Variants in IRS1 observed in about 807,000 individuals in gnomAD.
IRS1 encodes the protein insulin receptor substrate 1.
IRS1 carries 34 observed loss-of-function variants against 65.6 expected under a neutral mutation model. The ratio of observed to expected loss-of-function variants is 0.52; its 90% confidence interval spans 0.39 to 0.69. The LOEUF (loss-of-function observed/expected upper bound fraction) is 0.69, where lower values mean the gene tolerates loss of function less well. Ranked by LOEUF, IRS1 falls within the 30% of genes least tolerant of loss-of-function variation. IRS1 has a pLI of 0.00. For missense variants in IRS1, 1,641 were observed against 1,720.2 expected (o/e 0.95, Z 0.81); for synonymous variants, 699 against 683.5 (o/e 1.02, Z -0.35).
In IRS1 at chr2:226,796,005, GGCCAGACAAGTA is replaced by G. The variant is rs1939713038; in HGVS notation, c.2722_2733del (p.Tyr908_Gly911del). ...GAAGGTGAGCTGTGGAAAGCCACCGGGCCAGACAAGTAGCCAGACTGATCACTCCCAAATTCA... is the reference window on the plus strand; with the variant it reads ...GAAGGTGAGCTGTGGAAAGCCACCGGGCCAGACTGATCACTCCCAAATTCA... On this transcript the variant is annotated inframe_deletion, in exon 1 of 2. Coordinates refer to ENST00000305123, the MANE Select transcript of IRS1 (RefSeq NM_005544.3). The G allele has an allele frequency of 6.2e-7, 1 of 1,614,018 alleles. No individual in the cohort carries two copies. The highest frequency in any genetic ancestry group is 1.7e-5 in the Admixed American group (1 of 60,008).
At position 226,796,010 on chromosome 2, in the gene IRS1, G is replaced by A; in HGVS notation, c.2729C>T (p.Ser910Phe). 6.2e-7 allele frequency: 1 copy of A among 1,614,176 alleles called. No homozygotes were observed. The highest frequency in any genetic ancestry group is 2.2e-5 in the East Asian group (1 of 44,888). Reference protein sequence around the residue: ...EFGSDQSGYLSGPVAFHSSPS... With the variant: ...EFGSDQSGYLFGPVAFHSSPS... The stretch of plus-strand genomic sequence containing the variant: ...TGAGCTGTGGAAAGCCACCGGGCCA[G>A]ACAAGTAGCCAGACTGATCACTCCC... The change falls in exon 1 of 2, where the codon TCT (serine) becomes TTT (phenylalanine). Residue 910 changes from serine to phenylalanine, a missense_variant. Physicochemically the swap from Ser to Phe is radical, Grantham distance 155 (BLOSUM62 -2). Around this residue, in one of 3 missense-constraint regions of IRS1, gnomAD observed 1,324 missense variants for 1,361.0 expected, o/e 0.97. Coordinates refer to ENST00000305123, the MANE Select transcript of IRS1 (RefSeq NM_005544.3).
At chr2:226,777,504 G>A (rs114789229) in intron 1 of IRS1, among the ~76,000 whole-genome samples, 13 of 152,232 alleles carry the variant, frequency 8.5e-5, no homozygotes, top group Non-Finnish European at 1.5e-4. Flanking sequence ...TTAGATGATG[G>A]AAAATTTCTT....
chr2:226,785,744 CT>C (rs1407497222), intron 1 of IRS1, among the ~76,000 whole-genome samples: 2 of 151,118 alleles, frequency 1.3e-5, no homozygotes, highest in Non-Finnish European at 2.9e-5. Flanking sequence ...AGAAACTTTT[CT>C]TTTTTTTATA....
rs147089139 is a variant in IRS1 at position 226,797,016 on chromosome 2, C to T, written c.1723G>A (p.Ala575Thr). 312 of 1,603,686 alleles carry T rather than the reference C, an allele frequency of 1.9e-4. 2 individuals carry two copies. The South Asian group carries it at 2.7e-3, about 14-fold the overall frequency. Residue 575 changes from alanine to threonine, a missense_variant, in exon 1 of 2, where the codon GCC becomes ACC. Transcript: ENST00000305123. The surrounding 1 kb of genome is among the most constrained non-coding windows in gnomAD (Gnocchi z 8.1). The part of the protein sequence containing the change: ...GGRLPGHRHS[A>T]FVPTRSYPEE... ...GGGTAGGAGCGGGTGGGCACGAAGG[C>T]GGAGTGCCTGTGTCCCGGCAGTCGG...
intron 1 of IRS1, among the ~76,000 whole-genome samples, chr2:226,753,841 C>CTGATTGAT (rs113302205): frequency 6.6e-6 from 1 of 151,692 alleles, no homozygotes; most frequent in Non-Finnish European, 1.5e-5. Flanking sequence ...AAACTCAGCA[C>CTGATTGAT]TGATTGATTG....
chr2:226,743,127 T>G (rs1938471921), intron 1 of IRS1, among the ~76,000 whole-genome samples: 1 of 151,046 alleles, frequency 6.6e-6, no homozygotes, highest in Non-Finnish European at 1.5e-5. Context: ...GTTTGTCCTA[T>G]GTACATGACA....
intron 1 of IRS1, among the ~76,000 whole-genome samples, chr2:226,757,336 G>A (rs1938824595): frequency 6.6e-6 from 1 of 152,126 alleles, no homozygotes; most frequent in Non-Finnish European, 1.5e-5. Flanking sequence ...TTGTGAGGCT[G>A]AGGCACAGTG....
Position 226,799,321 on chromosome 2 carries a change from A to G in IRS1, c.-583T>C. 4 of 1,216,844 alleles carry G rather than the reference A, an allele frequency of 3.3e-6. No homozygotes were observed. The highest frequency in any genetic ancestry group is 4.2e-6 in the Non-Finnish European group (4 of 948,236). The allele number at this position is 1,216,844 out of a possible 1,614,324, so 75.4% of individuals were successfully genotyped here. On this transcript the variant is annotated 5_prime_UTR_variant, in exon 1 of 2. Coordinates refer to ENST00000305123, the MANE Select transcript of IRS1 (RefSeq NM_005544.3). The surrounding 1 kb of genome is among the most constrained non-coding windows in gnomAD (Gnocchi z 6.1). Reference sequence around the variant, plus strand: ...GTCCCAGCCGCCACCAGCCGCCCAAATACCAGCTCAGTCGCAGAGACCGCG... The same window carrying G: ...GTCCCAGCCGCCACCAGCCGCCCAAGTACCAGCTCAGTCGCAGAGACCGCG...
chr2:226,797,837 C>A lies in IRS1; in HGVS notation c.902G>T (p.Arg301Leu). 6.2e-7 allele frequency: 1 copy of A among 1,600,046 alleles called. No individual in the cohort carries two copies. Among genetic ancestry groups the A allele is most frequent in the Non-Finnish European group, 8.5e-7 (1 of 1,175,476 alleles). ...GGTGATGCTCTCAGTGCGTGATCGGCGGGTCAGCCCCACCTGGCTGGGCGG... is the reference window on the plus strand; with the variant it reads ...GGTGATGCTCTCAGTGCGTGATCGGAGGGTCAGCCCCACCTGGCTGGGCGG... ...NPPPSQVGLT[R>L]RSRTESITAT... Residue 301 changes from arginine to leucine, a missense_variant, in exon 1 of 2, where the codon CGC (arginine) becomes CTC (leucine). Arg to Leu is a moderately radical substitution (Grantham distance 102, BLOSUM62 -2). Transcript: ENST00000305123. This position sits in a 1 kb window ranked among gnomAD's most constrained non-coding sequence, Gnocchi z 8.1.
At chr2:226,793,928 A>T (rs1395116494) in intron 1 of IRS1, among the ~76,000 whole-genome samples, 2 of 152,212 alleles carry the variant, frequency 1.3e-5, no homozygotes, top group African/African-American at 4.8e-5. Flanking sequence ...CATTAGCCAC[A>T]GAAGACCTAA....
chr2:226,796,502 G>T lies in IRS1; in HGVS notation c.2237C>A (p.Pro746His). ...CTCAGGGCCGTAGTAGCAGTCGGAG[G>T]GGCTGCTGGTGTTGGAGTCCCCCAC... is the stretch of plus-strand genomic sequence containing the variant. ...SPVGDSNTSSPSDCYYGPEDP... is the reference protein window; with the variant it reads ...SPVGDSNTSSHSDCYYGPEDP... Residue 746 changes from proline (P) to histidine (H), a missense_variant, in exon 1 of 2, where the codon CCC becomes CAC. Coordinates refer to ENST00000305123, the MANE Select transcript of IRS1 (RefSeq NM_005544.3). The T allele has an allele frequency of 6.2e-7, 1 of 1,613,950 alleles. No individual in the cohort carries two copies. Among genetic ancestry groups the T allele is most frequent in the Non-Finnish European group, 8.5e-7 (1 of 1,180,028 alleles).
intron 1 of IRS1, among the ~76,000 whole-genome samples, chr2:226,737,525 T>G (rs1170706154): frequency 6.6e-6 from 1 of 152,196 alleles, no homozygotes; most frequent in Non-Finnish European, 1.5e-5. Flanking sequence ...ACTTGTTGAA[T>G]GAGTACGTGG....
chr2:226,738,243 A>G (rs914957252), intron 1 of IRS1, among the ~76,000 whole-genome samples: 2 of 152,234 alleles, frequency 1.3e-5, no homozygotes, highest in Non-Finnish European at 2.9e-5. Context: ...GTGGAGCAAA[A>G]GCAATTGCGG....
At chr2:226,764,443 T>C (rs1938987183) in intron 1 of IRS1, among the ~76,000 whole-genome samples, 1 of 152,134 alleles carries the variant, frequency 6.6e-6, no homozygotes, top group Non-Finnish European at 1.5e-5. Context: ...CATGGGAGGA[T>C]AAGGCAGGAG....
intron 1 of IRS1, among the ~76,000 whole-genome samples, chr2:226,741,139 A>G (rs1938428600): frequency 1.3e-5 from 2 of 152,220 alleles, no homozygotes; most frequent in Non-Finnish European, 2.9e-5. Context: ...CAATCTACTT[A>G]AAGGATTTGA....
At chr2:226,792,038 G>GGGGA (rs1353633998) in intron 1 of IRS1, 6 of 152,410 alleles carry the variant, frequency 3.9e-5, no homozygotes, top group Non-Finnish European at 8.8e-5. Context: ...GCTGGGGAAA[G>GGGGA]GGGAGGGAGG....
chr2:226,758,118 C>T (rs559614000), intron 1 of IRS1, among the ~76,000 whole-genome samples: 1 of 152,274 alleles, frequency 6.6e-6, no homozygotes, highest in African/African-American at 2.4e-5. Flanking sequence ...GAGACAGCTT[C>T]TTCCCCTAAT....
Position 226,799,720 on chromosome 2 carries a change from G to A in IRS1, c.-982C>T. The A allele has an allele frequency of 1.0e-6, 1 of 999,704 alleles. No homozygotes were observed. The allele number at this position is 999,704 out of a possible 1,614,324, so 61.9% of individuals were successfully genotyped here. On this transcript the variant is annotated 5_prime_UTR_variant, in exon 1 of 2. In the 5' UTR this introduces an upstream ATG that the reference lacks. Coordinates refer to ENST00000305123, the MANE Select transcript of IRS1 (RefSeq NM_005544.3). This position sits in a 1 kb window ranked among gnomAD's most constrained non-coding sequence, Gnocchi z 6.1. ...AGCCCCAACCAAAACAAGCGGCGGC[G>A]TCTGGCTCTGCGCGCCGGCCCCCTC...
intron 1 of IRS1, among the ~76,000 whole-genome samples, chr2:226,790,681 G>T (rs1019528704): frequency 6.6e-6 from 1 of 152,154 alleles, no homozygotes; most frequent in East Asian, 1.9e-4. Context: ...GATGCAAGAG[G>T]GATGTTGGCT....
Sources: allele counts gnomAD v4.1 joint callset (sites outside exome capture counted in the v4.1 genomes callset), GRCh38; gene constraint gnomAD v4.1.1; regional missense constraint gnomAD v4.1.1; non-coding constraint Gnocchi (gnomAD v3.1); transcripts MANE v1.5; gene names NCBI Gene and HGNC (gene_info 2026-07-23, HGNC 2026-07-21).